The following RAB11FIP4 variants were observed in gnomAD, a reference collection of about 807,000 sequenced individuals.
The protein encoded by RAB11FIP4 is RAB11 family interacting protein 4, also known as rab11 family-interacting protein 4.
In RAB11FIP4, 23 loss-of-function variants were observed where a neutral mutation model predicts 74.3. The ratio of observed to expected loss-of-function variants is 0.31; its 90% CI spans 0.22 to 0.44. The LOEUF is 0.44. Among genes scored for constraint, RAB11FIP4 ranks in the 20% least tolerant of loss-of-function variants. The probability of loss-of-function intolerance (pLI) is 1.00; values close to 1 mark genes in which losing one functional copy is unlikely to be tolerated. For missense variants in RAB11FIP4, 630 were observed against 863.9 expected, an observed-to-expected ratio of 0.73 and a Z score of 3.39; for synonymous variants, 360 against 359.9, an observed-to-expected ratio of 1.00 and a Z score of 0.00.
chr17:31,434,148 C>G (rs770092174), intron 3 of RAB11FIP4, 26 bp downstream of exon 3: 1 of 1,529,148 alleles, frequency 6.5e-7, no homozygotes, highest in Non-Finnish European at 8.8e-7. Flanking sequence ...CCTCAAGGAC[C>G]TCCATGGCTC....
chr17:31,436,831 A>G (rs2151629655), intron 3 of RAB11FIP4, among the ~76,000 whole-genome samples: 1 of 147,022 alleles, frequency 6.8e-6, no homozygotes, highest in South Asian at 2.1e-4. Flanking sequence ...TCTATCGCCC[A>G]GGCTGGAGTG....
chr17:31,498,515 G>T (rs1324099289), intron 3 of RAB11FIP4, among the ~76,000 whole-genome samples: 1 of 152,240 alleles, frequency 6.6e-6, no homozygotes, highest in Non-Finnish European at 1.5e-5. Context: ...GAGGAGGAGA[G>T]TCACCCTGCT....
chr17:31,393,655 C>T (rs1316651558), intron 1 of RAB11FIP4, among the ~76,000 whole-genome samples: 1 of 152,196 alleles, frequency 6.6e-6, no homozygotes, highest in Non-Finnish European at 1.5e-5. Context: ...ATAGGTCTCT[C>T]TTCTTTGGGG....
intron 3 of RAB11FIP4, among the ~76,000 whole-genome samples, chr17:31,508,719 G>GC (rs5819945): frequency 0.83 from 126,584 of 152,142 alleles, 53,060 homozygotes; most frequent in East Asian, 0.95. Context: ...CAGTCCCTCT[G>GC]TCAGCCTCAG....
intron 3 of RAB11FIP4, among the ~76,000 whole-genome samples, chr17:31,516,822 G>A (rs2072560741): frequency 6.6e-6 from 1 of 152,224 alleles, no homozygotes; most frequent in Non-Finnish European, 1.5e-5. Context: ...AAGCATAGGG[G>A]ATCAAGAACC....
chr17:31,434,508 C>G (rs1302335919), intron 3 of RAB11FIP4, among the ~76,000 whole-genome samples: 1 of 152,188 alleles, frequency 6.6e-6, no homozygotes, highest in East Asian at 1.9e-4. Flanking sequence ...CTCCAATTCT[C>G]TGACACTAAC....
At chr17:31,473,316 G>T (rs1373885845) in intron 3 of RAB11FIP4, among the ~76,000 whole-genome samples, 1 of 151,876 alleles carries the variant, frequency 6.6e-6, no homozygotes, top group Non-Finnish European at 1.5e-5. Flanking sequence ...GAGGCAGGTG[G>T]ATTGCTTGAG....
At chr17:31,448,656 G>T (rs951154400) in intron 3 of RAB11FIP4, among the ~76,000 whole-genome samples, 1 of 152,070 alleles carries the variant, frequency 6.6e-6, no homozygotes, top group Non-Finnish European at 1.5e-5. Context: ...CCATGGGCAG[G>T]CTCCAGGAAT....
At chr17:31,513,530 G>A (rs1257361777) in intron 3 of RAB11FIP4, among the ~76,000 whole-genome samples, 1 of 152,142 alleles carries the variant, frequency 6.6e-6, no homozygotes, top group Non-Finnish European at 1.5e-5. Context: ...TGGGGACTTT[G>A]GCCCTCAGGG....
At chr17:31,488,206 G>C in intron 3 of RAB11FIP4, 1 of 1,114,816 alleles carries the variant, frequency 9.0e-7, no homozygotes, top group Admixed American at 5.0e-5. Context: ...ACCCGCGCCC[G>C]CTGGCTTCCG....
chr17:31,516,893 G>A (rs1309846751), intron 3 of RAB11FIP4, among the ~76,000 whole-genome samples: 1 of 152,124 alleles, frequency 6.6e-6, no homozygotes, highest in Non-Finnish European at 1.5e-5. Flanking sequence ...GTTACTTGGT[G>A]TACACCCTAT....
chr17:31,455,167 G>A (rs2071567335), intron 3 of RAB11FIP4, among the ~76,000 whole-genome samples: 1 of 152,194 alleles, frequency 6.6e-6, no homozygotes, highest in African/African-American at 2.4e-5. Context: ...CAAAGAGATG[G>A]TCAGACCCAG....
intron 3 of RAB11FIP4, among the ~76,000 whole-genome samples, chr17:31,490,316 C>G (rs1355656765): frequency 6.6e-6 from 1 of 152,174 alleles, no homozygotes; most frequent in African/African-American, 2.4e-5. Context: ...AGGTATCTGG[C>G]AGTCCCCGAT....
chr17:31,392,356 A>T, intron 1 of RAB11FIP4: 1 of 185,334 alleles, frequency 5.4e-6, no homozygotes, highest in African/African-American at 2.4e-5. Flanking sequence ...TAGGCTCCCC[A>T]CCCCACCCGG....
Position 31,531,921 on chromosome 17 carries a change from G to T in RAB11FIP4, c.*189G>T, listed in dbSNP as rs1372013445. 8.7e-6 allele frequency: 5 copies of T among 577,374 alleles called. No individual in the cohort carries two copies. In the African/African-American group the frequency reaches 9.4e-5, roughly 11 times the overall value. The allele number at this position is 577,374 out of a possible 1,614,324, so 35.8% of individuals were successfully genotyped here. ...GCGAGGGGTGAGTGGCCGTGGCTGTGGGCAGCATCCACACGGTTAGCCGTG... is the reference window on the plus strand; with the variant it reads ...GCGAGGGGTGAGTGGCCGTGGCTGTTGGCAGCATCCACACGGTTAGCCGTG... On this transcript the variant is annotated 3_prime_UTR_variant, in exon 15 of 15. Coordinates refer to ENST00000621161, the MANE Select transcript of RAB11FIP4 (RefSeq NM_032932.6).
At chr17:31,420,405 T>A (rs936737422) in intron 1 of RAB11FIP4, among the ~76,000 whole-genome samples, 33 of 151,976 alleles carry the variant, frequency 2.2e-4, no homozygotes, top group Non-Finnish European at 3.7e-4. Context: ...CTAATTTTTT[T>A]AATCTTTTGT....
chr17:31,507,056 G>C (rs886119045), intron 3 of RAB11FIP4, among the ~76,000 whole-genome samples: 4 of 152,186 alleles, frequency 2.6e-5, no homozygotes, highest in African/African-American at 9.7e-5. Flanking sequence ...GAGGTGGGCG[G>C]ATCATGAGGT....
At position 31,531,482 on chromosome 17, in the gene RAB11FIP4, G is replaced by A; in HGVS notation, c.1798-134G>A. The stretch of plus-strand genomic sequence containing the variant: ...GGCATCCAAATGCTGAGGCTGTCCT[G>A]GGGCCCACCTTGCCCAGGATCTCCT... On this transcript the variant is annotated intron_variant, in intron 14 of 14. Coordinates refer to ENST00000621161, the MANE Select transcript of RAB11FIP4 (RefSeq NM_032932.6). 4.5e-6 allele frequency: 3 copies of A among 672,624 alleles called. No individual in the cohort carries two copies. The East Asian group carries it at 7.5e-5, about 17-fold the overall frequency. The allele number at this position is 672,624 out of a possible 1,614,324, so 41.7% of individuals were successfully genotyped here.
intron 1 of RAB11FIP4, among the ~76,000 whole-genome samples, chr17:31,428,732 T>G (rs905164561): frequency 2.6e-5 from 4 of 152,132 alleles, no homozygotes; most frequent in African/African-American, 4.8e-5. Flanking sequence ...AATGCTTGTA[T>G]GGGTGCTGTG....
Sources: allele counts gnomAD v4.1 joint callset (sites outside exome capture counted in the v4.1 genomes callset), GRCh38; gene constraint gnomAD v4.1.1; transcripts MANE v1.5; gene names NCBI Gene and HGNC (gene_info 2026-07-23, HGNC 2026-07-21).